The following FANCL variants were observed in gnomAD, a reference collection of about 807,000 sequenced individuals.
FANCL encodes the protein FA complementation group L.
A neutral mutation model predicts 59.4 loss-of-function variants in FANCL; 69 were observed. That is an observed-to-expected ratio of 1.16 (90% confidence interval 0.96 to 1.42). The LOEUF (loss-of-function observed/expected upper bound fraction) is 1.42, where lower values mean the gene tolerates loss of function less well. Among genes scored for constraint, FANCL ranks in the 40% most tolerant of loss-of-function variants. FANCL has a pLI of 0.00. For missense variants in FANCL, 519 were observed against 447.2 expected (o/e 1.16, Z -1.45); for synonymous variants, 180 against 147.1 (o/e 1.22, Z -1.62).
intron 7 of FANCL, among the ~76,000 whole-genome samples, chr2:58,173,215 AG>A (rs1483354183): frequency 6.6e-6 from 1 of 152,240 alleles, no homozygotes; most frequent in Non-Finnish European, 1.5e-5. Flanking sequence ...AACACTCTGC[AG>A]GATATTATCC....
At chr2:58,195,438 G>C (rs893275236) in intron 7 of FANCL, among the ~76,000 whole-genome samples, 2 of 152,062 alleles carry the variant, frequency 1.3e-5, no homozygotes, top group Non-Finnish European at 2.9e-5. Context: ...TAAGCATATA[G>C]AATATAGGGG....
intron 5 of FANCL, among the ~76,000 whole-genome samples, chr2:58,210,404 T>C (rs1025204017): frequency 2.6e-5 from 4 of 151,920 alleles, no homozygotes; most frequent in African/African-American, 9.7e-5. Flanking sequence ...ATGAGAACAA[T>C]ATGGGGGAAA....
At chr2:58,178,667 A>ATG (rs1687615158) in intron 7 of FANCL, among the ~76,000 whole-genome samples, 2 of 152,072 alleles carry the variant, frequency 1.3e-5, no homozygotes, top group Non-Finnish European at 2.9e-5. Context: ...TTTGCAAACC[A>ATG]GCACAAGACA....
At chr2:58,213,453 C>G (rs1691383208) in intron 5 of FANCL, 2 of 152,202 alleles carry the variant, frequency 1.3e-5, no homozygotes, top group Non-Finnish European at 2.9e-5. Flanking sequence ...TGGATTAACA[C>G]AAACAGAATT....
At chr2:58,239,741 G>C (rs1175747466) in intron 1 of FANCL, among the ~76,000 whole-genome samples, 2 of 152,050 alleles carry the variant, frequency 1.3e-5, no homozygotes, top group Non-Finnish European at 2.9e-5. Context: ...GACCTCAAAT[G>C]GTTCAGGAAA....
At chr2:58,227,789 A>G (rs1693173833) in intron 3 of FANCL, among the ~76,000 whole-genome samples, 1 of 152,102 alleles carries the variant, frequency 6.6e-6, no homozygotes, top group Non-Finnish European at 1.5e-5. Flanking sequence ...CCGGGGGTGG[A>G]GCCCTCACCA....
chr2:58,203,088 AAAT>A (rs1245734935), intron 6 of FANCL, among the ~76,000 whole-genome samples: 2 of 151,728 alleles, frequency 1.3e-5, no homozygotes, highest in African/African-American at 4.8e-5. Context: ...AATTTAATAA[AAAT>A]AATTATCTAA....
intron 4 of FANCL, among the ~76,000 whole-genome samples, chr2:58,224,386 T>C (rs1692771422): frequency 6.6e-6 from 1 of 151,880 alleles, no homozygotes; most frequent in Non-Finnish European, 1.5e-5. Flanking sequence ...GTTATTACAT[T>C]AAGGCCTTTG....
rs1335197510 is a variant in FANCL, at chr2:58,232,252, T to C, written c.97-140A>G. On this transcript the variant is annotated intron_variant, in intron 1 of 13. Transcript: ENST00000233741. ...AATTTTATCCACATCTTTATACTTG[T>C]TAAAATATATGCAACACAATATTGC... 21 of 723,574 alleles carry C rather than the reference T, an allele frequency of 2.9e-5. No individual in the cohort carries two copies. In the East Asian group the frequency reaches 5.7e-4, roughly 20 times the overall value. 44.8% of individuals were successfully genotyped at this position (723,574 alleles called of 1,614,324 possible).
rs759711454 is a variant in FANCL at position 58,165,877 on chromosome 2, G to A, written c.541-3C>T. On this transcript the variant is annotated splice_polypyrimidine_tract_variant and splice_region_variant and intron_variant, in intron 7 of 13. Transcript: ENST00000233741. ...CTATAAATGCTTATTAAGGAGCTCT[G>A]TGAAAAAAATGAAAGTTGAATAAGT... is the stretch of plus-strand genomic sequence containing the variant. The A allele has an allele frequency of 1.6e-5, 26 of 1,613,406 alleles. No individual in the cohort carries two copies. Among genetic ancestry groups the A allele is most frequent in the Admixed American group, 3.3e-5 (2 of 59,978 alleles).
chr2:58,176,515 C>A (rs1007091882), intron 7 of FANCL, among the ~76,000 whole-genome samples: 1 of 152,012 alleles, frequency 6.6e-6, no homozygotes, highest in Non-Finnish European at 1.5e-5. Context: ...ACCTGAGAAA[C>A]ACAAGCAATG....
chr2:58,217,762 C>G (rs908405763), intron 5 of FANCL, among the ~76,000 whole-genome samples: 1 of 151,574 alleles, frequency 6.6e-6, no homozygotes, highest in Non-Finnish European at 1.5e-5. Context: ...TTTAACACAG[C>G]TCTCTCCAGA....
chr2:58,179,027 G>A (rs1227256333), intron 7 of FANCL, among the ~76,000 whole-genome samples: 1 of 152,134 alleles, frequency 6.6e-6, no homozygotes, highest in Non-Finnish European at 1.5e-5. Context: ...ACTTACAAGG[G>A]ATGTGAAGGA....
chr2:58,181,917 A>T (rs1687976667), intron 7 of FANCL, among the ~76,000 whole-genome samples: 1 of 151,748 alleles, frequency 6.6e-6, no homozygotes, highest in Admixed American at 6.6e-5. Flanking sequence ...AATATTTAAT[A>T]ACTGGCCTTT....
chr2:58,173,741 T>G (rs993527514), intron 7 of FANCL, among the ~76,000 whole-genome samples: 4 of 151,926 alleles, frequency 2.6e-5, no homozygotes, highest in South Asian at 2.1e-4. Flanking sequence ...ACAAGCAAAA[T>G]AACCAGCTAA....
rs2105100994 is a variant in FANCL at position 58,198,640 on chromosome 2, T to C, written c.494A>G (p.Tyr165Cys). The C allele has an allele frequency of 6.2e-7, 1 of 1,613,870 alleles. No individual in the cohort carries two copies. Among genetic ancestry groups the C allele is most frequent in the Non-Finnish European group, 8.5e-7 (1 of 1,179,774 alleles). ...KAKYPAESPD[Y>C]FVDFPVPFCA... Reference sequence around the variant, plus strand: ...AAATGGAACAGGAAAATCCACAAAATAATCTGGTGATTCTGCAGGATACTA... The same window carrying C: ...AAATGGAACAGGAAAATCCACAAAACAATCTGGTGATTCTGCAGGATACTA... Residue 165 changes from tyrosine (Y) to cysteine (C), a missense_variant, in exon 7 of 14, where the codon TAT becomes TGT. Coordinates refer to ENST00000233741, the MANE Select transcript of FANCL (RefSeq NM_018062.4).
chr2:58,217,288 T>C (rs1691934366), intron 5 of FANCL, among the ~76,000 whole-genome samples: 1 of 143,492 alleles, frequency 7.0e-6, no homozygotes, highest in African/African-American at 2.6e-5. Context: ...TCTCTCATAG[T>C]TCTGGAGGCC....
intron 2 of FANCL, 63 bp downstream of exon 2, chr2:58,231,991 C>CAA (rs1693628361): frequency 7.4e-7 from 1 of 1,360,192 alleles, no homozygotes. Context: ...CAATTTATAC[C>CAA]AAATGTACTG....
At chr2:58,171,174 C>A (rs1036812931) in intron 7 of FANCL, among the ~76,000 whole-genome samples, 3 of 152,128 alleles carry the variant, frequency 2.0e-5, no homozygotes, top group Non-Finnish European at 4.4e-5. Context: ...AATAAAATCT[C>A]TCAAACCACA....
Sources: allele counts gnomAD v4.1 joint callset (sites outside exome capture counted in the v4.1 genomes callset), GRCh38; gene constraint gnomAD v4.1.1; transcripts MANE v1.5; gene names NCBI Gene and HGNC (gene_info 2026-07-23, HGNC 2026-07-21).